Variants in PPFIA1 observed in about 807,000 individuals in gnomAD.
PPFIA1 encodes liprin-alpha-1.
In PPFIA1, 25 loss-of-function variants were observed where a neutral mutation model predicts 149.9. The ratio of observed to expected loss-of-function variants is 0.17; its 90% CI spans 0.12 to 0.23. PPFIA1 has a LOEUF of 0.23. PPFIA1 is among the 10% of genes least tolerant of loss of function. The pLI, the probability that PPFIA1 is intolerant of heterozygous loss-of-function variation, is 1.00. For missense variants in PPFIA1, 1,362 were observed against 1,506.5 expected, an observed-to-expected ratio of 0.90 and a Z score of 1.59; for synonymous variants, 549 against 552.8, an observed-to-expected ratio of 0.99 and a Z score of 0.10.
intron 2 of PPFIA1, among the ~76,000 whole-genome samples, chr11:70,311,606 T>G (rs1373900032): frequency 6.6e-6 from 1 of 152,148 alleles, no homozygotes; most frequent in African/African-American, 2.4e-5. Context: ...GCGGGACACC[T>G]GTCGAGCTGC....
chr11:70,333,880 C>G (rs1438508722), intron 10 of PPFIA1, among the ~76,000 whole-genome samples: 3 of 152,154 alleles, frequency 2.0e-5, no homozygotes, highest in East Asian at 3.9e-4. Flanking sequence ...GCGTGGCCCC[C>G]CTACCCCCTG....
intron 14 of PPFIA1, among the ~76,000 whole-genome samples, chr11:70,340,474 A>G (rs150311339): frequency 6.6e-4 from 101 of 152,346 alleles, no homozygotes; most frequent in Middle Eastern, 3.4e-3. Context: ...GAATACATAT[A>G]TTCGTCATTT....
chr11:70,277,516 A>T (rs2050482560), intron 2 of PPFIA1, among the ~76,000 whole-genome samples: 1 of 149,782 alleles, frequency 6.7e-6, no homozygotes. Flanking sequence ...TTTGAGACAG[A>T]GTCTCGCTCT....
chr11:70,334,142 G>T (rs1300914576), intron 10 of PPFIA1, among the ~76,000 whole-genome samples: 1 of 152,220 alleles, frequency 6.6e-6, no homozygotes, highest in Non-Finnish European at 1.5e-5. Flanking sequence ...TCCTGAAAGA[G>T]TTGGGTGGAT....
chr11:70,339,622 T>C (rs943361794), intron 14 of PPFIA1, among the ~76,000 whole-genome samples: 14 of 135,824 alleles, frequency 1.0e-4, no homozygotes, highest in Non-Finnish European at 1.7e-4. Flanking sequence ...GCCTGGCCTC[T>C]GTAGTTTTTT....
rs775759169 is a variant in PPFIA1, at chr11:70,348,167, G to A, written c.1932-22G>A. 11 of 1,610,246 alleles carry A rather than the reference G, an allele frequency of 6.8e-6. No individual in the cohort carries two copies. The East Asian group carries it at 8.9e-5, about 13-fold the overall frequency. ...ATCTGTTTGCCGAAACAGGAGGACT[G>A]ACTGCTTTTGTTTTATTTTAGGTTG... On this transcript the variant is annotated intron_variant, in intron 15 of 27. Transcript: ENST00000253925.
intron 2 of PPFIA1, among the ~76,000 whole-genome samples, chr11:70,305,989 A>T (rs2052820876): frequency 6.6e-6 from 1 of 152,220 alleles, no homozygotes; most frequent in African/African-American, 2.4e-5. Flanking sequence ...AATTGTGCTG[A>T]CATTTGAACA....
chr11:70,346,351 C>T (rs1405636456), intron 15 of PPFIA1, among the ~76,000 whole-genome samples: 1 of 151,866 alleles, frequency 6.6e-6, no homozygotes, highest in Non-Finnish European at 1.5e-5. Flanking sequence ...GTGGAGGTGC[C>T]AGTCCTGGTC....
chr11:70,281,851 A>T (rs1009599607), intron 2 of PPFIA1, among the ~76,000 whole-genome samples: 1 of 151,556 alleles, frequency 6.6e-6, no homozygotes, highest in African/African-American at 2.4e-5. Context: ...AGTCATACTC[A>T]CCTTTTCTAG....
chr11:70,311,688 G>T (rs1437062832), intron 2 of PPFIA1, among the ~76,000 whole-genome samples: 1 of 152,076 alleles, frequency 6.6e-6, no homozygotes, highest in Admixed American at 6.6e-5. Context: ...TTTCCCATTT[G>T]ATTGTTACGG....
intron 2 of PPFIA1, among the ~76,000 whole-genome samples, chr11:70,322,837 G>A (rs772514909): frequency 8.6e-5 from 13 of 152,004 alleles, no homozygotes; most frequent in South Asian, 2.1e-4. Flanking sequence ...CCCCACCCCC[G>A]CTGTGTTCAG....
intron 9 of PPFIA1, chr11:70,333,228 A>G (rs1591251133): frequency 1.7e-6 from 1 of 573,412 alleles, no homozygotes; most frequent in African/African-American, 1.8e-5. Context: ...TGGGGGGAAA[A>G]CACCCAGTCA....
intron 10 of PPFIA1, among the ~76,000 whole-genome samples, chr11:70,333,808 A>G (rs568875204): frequency 2.0e-5 from 3 of 152,304 alleles, no homozygotes; most frequent in African/African-American, 7.2e-5. Flanking sequence ...CAGGTGTCCA[A>G]AAATGCTTCT....
At chr11:70,368,949 A>G (rs979065918) in intron 21 of PPFIA1, among the ~76,000 whole-genome samples, 2 of 134,868 alleles carry the variant, frequency 1.5e-5, no homozygotes, top group African/African-American at 2.9e-5. Flanking sequence ...AAACACAGTC[A>G]GTCTTTTTTT....
chr11:70,272,129 G>T (rs1212010475), intron 1 of PPFIA1, 44 bp from the exon 2 acceptor site: 2 of 1,589,252 alleles, frequency 1.3e-6, no homozygotes, highest in Admixed American at 1.8e-5. Flanking sequence ...GTGGGAACCT[G>T]TATTCTGAGC....
intron 23 of PPFIA1, 60 bp downstream of exon 23, chr11:70,372,634 T>C: frequency 7.4e-7 from 1 of 1,358,048 alleles, no homozygotes; most frequent in Non-Finnish European, 1.0e-6. Flanking sequence ...GTTTGGAGCC[T>C]CAGTGACTTC....
In PPFIA1 at chr11:70,350,631, C is replaced by T. The variant is rs370608627; in HGVS notation, c.2163+2211C>T. On this transcript the variant is annotated intron_variant, in intron 16 of 27. Transcript: ENST00000253925. ...TTGGTATTGCAGTAACTTCCTCATCCGTTGGAATATTTTTAATTATAACAT... is the reference window on the plus strand; with the variant it reads ...TTGGTATTGCAGTAACTTCCTCATCTGTTGGAATATTTTTAATTATAACAT... Among the ~76,000 whole-genome samples the T allele has an allele frequency of 4.0e-4, 61 of 152,156 alleles. 1 individual carries two copies. Among genetic ancestry groups the T allele is most frequent in the African/African-American group, 1.3e-3 (56 of 41,508 alleles).
intron 13 of PPFIA1, 55 bp from the exon 14 acceptor site, chr11:70,339,114 AAG>A: frequency 5.0e-6 from 8 of 1,601,764 alleles, no homozygotes; most frequent in Non-Finnish European, 6.8e-6. Flanking sequence ...CCTTAACTAA[AAG>A]AGAGTTTATT....
chr11:70,323,621 AC>A (rs2136765680), intron 2 of PPFIA1, among the ~76,000 whole-genome samples: 1 of 152,308 alleles, frequency 6.6e-6, no homozygotes, highest in Admixed American at 6.5e-5. Context: ...TTCAAATACA[AC>A]AGACTCTGGC....
Sources: allele counts gnomAD v4.1 joint callset (sites outside exome capture counted in the v4.1 genomes callset), GRCh38; gene constraint gnomAD v4.1.1; transcripts MANE v1.5; gene names NCBI Gene and HGNC (gene_info 2026-07-23, HGNC 2026-07-21).